Variants in EPHX2 observed in about 807,000 individuals in gnomAD.
The protein encoded by EPHX2 is bifunctional epoxide hydrolase 2.
EPHX2 carries 74 observed loss-of-function variants against 78.7 expected under a neutral mutation model. The observed-to-expected ratio is 0.94, with a 90% CI of 0.78 to 1.14. EPHX2 has a LOEUF of 1.14. Ranked by LOEUF, EPHX2 falls within the 50% of genes most tolerant of loss-of-function variation. The pLI is 0.00. For missense variants in EPHX2, 715 were observed against 702.5 expected, an observed-to-expected ratio of 1.02 and a Z score of -0.20; for synonymous variants, 251 against 255.2, an observed-to-expected ratio of 0.98 and a Z score of 0.16.
intron 13 of EPHX2, 33 bp from the exon 14 acceptor site, chr8:27,538,626 A>C: frequency 6.3e-7 from 1 of 1,597,136 alleles, no homozygotes. Flanking sequence ...CACCCATGAC[A>C]TCATTTGTAA....
At chr8:27,517,690 G>C (rs570443243) in intron 8 of EPHX2, among the ~76,000 whole-genome samples, 3 of 152,290 alleles carry the variant, frequency 2.0e-5, no homozygotes, top group Admixed American at 6.5e-5. Context: ...ACATGAAAAA[G>C]AATGAAATTG....
chr8:27,491,374 T>G, intron 1 of EPHX2, 65 bp downstream of exon 1: 1 of 1,215,234 alleles, frequency 8.2e-7, no homozygotes, highest in Non-Finnish European at 1.1e-6. Context: ...GCGCTGGGCT[T>G]GCAGCCCAGC....
At position 27,525,437 on chromosome 8, in the gene EPHX2, C is replaced by T. The variant is rs1814810343; in HGVS notation, c.1134C>T (p.Asn378=). 6.2e-7 allele frequency: 1 copy of T among 1,614,008 alleles called. No homozygotes were observed. Among genetic ancestry groups the T allele is most frequent in the African/African-American group, 1.3e-5 (1 of 74,898 alleles). ...CCCCTTTGGAGAGTATCAAAGCCAA[C>T]CCAGTATTTGATTACCAGCTCTACT... is the stretch of plus-strand genomic sequence containing the variant. The part of the protein sequence containing the change: ...NMSPLESIKA[N]PVFDYQLYFQ... Residue 378 remains asparagine (N), a synonymous_variant, in exon 12 of 19, where the codon AAC becomes AAT. Coordinates refer to ENST00000521400, the MANE Select transcript of EPHX2 (RefSeq NM_001979.6).
chr8:27,541,587 G>A (rs72477597), intron 16 of EPHX2, 45 bp downstream of exon 16: 65 of 1,606,342 alleles, frequency 4.0e-5, no homozygotes, highest in African/African-American at 3.7e-4. Context: ...CCCAGGACCC[G>A]CCCGCGGGGC....
intron 12 of EPHX2, among the ~76,000 whole-genome samples, chr8:27,528,014 G>A (rs55674309): frequency 6.6e-6 from 1 of 152,154 alleles, no homozygotes; most frequent in Non-Finnish European, 1.5e-5. Context: ...CCATGCTGGA[G>A]GGGAGCTTGG....
intron 12 of EPHX2, among the ~76,000 whole-genome samples, chr8:27,535,091 A>G (rs1399525634): frequency 6.6e-6 from 1 of 152,244 alleles, no homozygotes; most frequent in Non-Finnish European, 1.5e-5. Flanking sequence ...GAGGAGAGTC[A>G]GTTGGCATTG....
intron 6 of EPHX2, among the ~76,000 whole-genome samples, chr8:27,512,544 AG>A (rs1429211278): frequency 6.6e-6 from 1 of 152,236 alleles, no homozygotes; most frequent in Non-Finnish European, 1.5e-5. Flanking sequence ...CCACACACAG[AG>A]GGCCCTGGCT....
At chr8:27,547,681 C>A (rs1479067546), downstream of EPHX2, among the ~76,000 whole-genome samples, 1 of 152,174 alleles carries the variant, frequency 6.6e-6, no homozygotes, top group African/African-American at 2.4e-5. Flanking sequence ...TTTGACATTC[C>A]TTAAATCCCT....
chr8:27,512,776 A>G (rs1266620363), intron 6 of EPHX2, among the ~76,000 whole-genome samples: 1 of 151,656 alleles, frequency 6.6e-6, no homozygotes, highest in African/African-American at 2.4e-5. Flanking sequence ...CTTAACTGAC[A>G]TTGCAGCCTT....
intron 14 of EPHX2, 74 bp from the exon 15 acceptor site, chr8:27,540,480 C>T: frequency 7.7e-7 from 1 of 1,306,174 alleles, no homozygotes; most frequent in Non-Finnish European, 1.1e-6. Flanking sequence ...CTGCGAGAGG[C>T]AATGAGGTCC....
At position 27,516,429 on chromosome 8, in the gene EPHX2, C is replaced by T. The variant is rs773502971; in HGVS notation, c.910+31C>T. ...TGTGCTGTCTTGCAGCTGTCTTATG[C>T]TGGTCTTGCCTTCTACCTGCCTGAG... is the stretch of plus-strand genomic sequence containing the variant. On this transcript the variant is annotated intron_variant, in intron 8 of 18. Transcript: ENST00000521400. The T allele has an allele frequency of 5.6e-6, 9 of 1,602,092 alleles. No homozygotes were observed. The African/African-American group carries it at 1.2e-4, about 21-fold the overall frequency.
At chr8:27,501,661 C>T (rs1169521293) in intron 2 of EPHX2, among the ~76,000 whole-genome samples, 2 of 152,084 alleles carry the variant, frequency 1.3e-5, no homozygotes, top group Admixed American at 6.5e-5. Context: ...GATACACCCA[C>T]CTTGGTGTTC....
intron 10 of EPHX2, 71 bp from the exon 11 acceptor site, chr8:27,522,352 A>G: frequency 6.6e-7 from 1 of 1,504,590 alleles, no homozygotes; most frequent in Non-Finnish European, 9.2e-7. Context: ...GGGCTGGCTG[A>G]TGGCCGAACC....
intron 1 of EPHX2, among the ~76,000 whole-genome samples, chr8:27,494,650 A>G (rs1283302937): frequency 1.3e-5 from 2 of 152,214 alleles, no homozygotes; most frequent in Non-Finnish European, 2.9e-5. Flanking sequence ...GAGGGGCCTT[A>G]TGATGGACCA....
chr8:27,498,280 T>G (rs1051463818), intron 1 of EPHX2, among the ~76,000 whole-genome samples: 7 of 152,206 alleles, frequency 4.6e-5, no homozygotes, highest in African/African-American at 1.7e-4. Flanking sequence ...TGGAGATTTC[T>G]TTGCTTGTTT....
At position 27,525,068 on chromosome 8, in the gene EPHX2, CTGTGTGTGTGTGTGTG is replaced by C. The variant is rs56963159; in HGVS notation, c.1059-269_1059-254del. On this transcript the variant is annotated intron_variant, in intron 11 of 18. Coordinates refer to ENST00000521400, the MANE Select transcript of EPHX2 (RefSeq NM_001979.6). ...ATCCAGGGTTGCTACAGTATGTGTA[CTGTGTGTGTGTGTGTG>C]TGTGTGTGTGTGTGTGTGTGTGTGC... 8.8e-3 allele frequency among the ~76,000 whole-genome samples: 1,150 copies of C among 131,218 alleles called. 7 individuals carry two copies. The highest frequency in any genetic ancestry group is 0.014 in the Non-Finnish European group (875 of 61,898). 86.1% of individuals were successfully genotyped at this position (131,218 alleles called of 152,430 possible).
At chr8:27,494,301 G>A (rs554052495) in intron 1 of EPHX2, among the ~76,000 whole-genome samples, 1 of 152,302 alleles carries the variant, frequency 6.6e-6, no homozygotes, top group African/African-American at 2.4e-5. Context: ...GTGGTCACAA[G>A]GTCTTGTATG....
chr8:27,536,582 A>G (rs61277588), intron 12 of EPHX2, among the ~76,000 whole-genome samples: 3,992 of 152,298 alleles, frequency 0.026, 195 homozygotes, highest in African/African-American at 0.089. Context: ...CCCGTGGGGA[A>G]CTACAGTTAG....
intron 12 of EPHX2, among the ~76,000 whole-genome samples, chr8:27,531,048 C>A (rs997449000): frequency 6.6e-6 from 1 of 152,202 alleles, no homozygotes; most frequent in East Asian, 1.9e-4. Context: ...CAGGCATGAG[C>A]CACCACGCCC....
Sources: gnomAD v4.1 joint callset for allele counts (sites outside exome capture counted in the v4.1 genomes callset) on GRCh38, gnomAD v4.1.1 for gene constraint, MANE v1.5 for transcripts, NCBI Gene and HGNC (gene_info 2026-07-23, HGNC 2026-07-21) for gene names.